DLAT: variants seen among roughly 807,000 people sequenced by gnomAD.
The protein encoded by DLAT is dihydrolipoyllysine-residue acetyltransferase component of pyruvate dehydrogenase complex, mitochondrial.
A neutral mutation model predicts 68.0 loss-of-function variants in DLAT; 43 were observed. The observed-to-expected ratio is 0.63, with a 90% CI of 0.50 to 0.81. The LOEUF (loss-of-function observed/expected upper bound fraction) is 0.81. Ranked by LOEUF, DLAT falls within the 40% of genes least tolerant of loss-of-function variation. The pLI, the probability that DLAT is intolerant of heterozygous loss-of-function variation, is 0.00. For synonymous variants in DLAT, 265 were observed against 288.6 expected (o/e 0.92, Z 0.83); for missense variants, 745 against 815.4 (o/e 0.91, Z 1.05).
chr11:112,059,793 AC>A (rs1864435317), intron 11 of DLAT, 109 bp from the exon 12 acceptor site: 3 of 877,950 alleles, frequency 3.4e-6, no homozygotes, highest in Non-Finnish European at 5.1e-6. Flanking sequence ...GAACAATAAC[AC>A]ACATTGGTTC....
In DLAT at chr11:112,057,806, A is replaced by G. The variant is rs587622697; in HGVS notation, c.1515-2097A>G. The stretch of plus-strand genomic sequence containing the variant: ...TGATATCCCTCATCAGTCGGCAGCC[A>G]TCAACATCAAGGCAAGATCTACCAG... On this transcript the variant is annotated intron_variant, in intron 11 of 13. Coordinates refer to ENST00000280346, the MANE Select transcript of DLAT (RefSeq NM_001931.5). Among the ~76,000 whole-genome samples the G allele has an allele frequency of 1.1e-4, 16 of 152,362 alleles. No individual in the cohort carries two copies. In the East Asian group the frequency reaches 3.1e-3, roughly 29 times the overall value.
At chr11:112,026,067 G>A in intron 1 of DLAT, 131 bp from the exon 2 acceptor site, 1 of 828,042 alleles carries the variant, frequency 1.2e-6, no homozygotes, top group East Asian at 2.7e-5. Flanking sequence ...AACTCCCTTG[G>A]CATCCCTAGT....
rs1024320268 is a variant in DLAT at position 112,030,086 on chromosome 11, T to C, written c.660+1141T>C. ...TAAGTTTAAAATTTTCGTCTGCGAA[T>C]GTCTCCTGGTAAATACTGGCGACTC... On this transcript the variant is annotated intron_variant, in intron 4 of 13. Transcript: ENST00000280346. The C allele has an allele frequency of 5.8e-6, 5 of 865,688 alleles. No individual in the cohort carries two copies. In the African/African-American group the frequency reaches 8.4e-5, roughly 15 times the overall value. The allele number at this position is 865,688 out of a possible 1,614,324, so 53.6% of individuals were successfully genotyped here. A position where few individuals can be genotyped will look rare whatever the true frequency, so the allele number is the denominator to read the frequency against.
At chr11:112,039,442 G>A in intron 7 of DLAT, 45 bp downstream of exon 7, 1 of 1,603,212 alleles carries the variant, frequency 6.2e-7, no homozygotes, top group African/African-American at 1.3e-5. Flanking sequence ...TTAAAATTTA[G>A]TTGAATTTCC....
At chr11:112,034,181 T>C (rs1010057888) in intron 5 of DLAT, among the ~76,000 whole-genome samples, 24 of 152,286 alleles carry the variant, frequency 1.6e-4, no homozygotes, top group Middle Eastern at 6.8e-3. Flanking sequence ...ATATCAGAAT[T>C]GCTGCTGTCT....
intron 4 of DLAT, among the ~76,000 whole-genome samples, chr11:112,032,872 G>T (rs1862488441): frequency 6.6e-6 from 1 of 152,148 alleles, no homozygotes; most frequent in African/African-American, 2.4e-5. Context: ...TCAGAGACCA[G>T]CCTGGCCAAC....
intron 10 of DLAT, among the ~76,000 whole-genome samples, chr11:112,048,841 A>G (rs1422856180): frequency 6.6e-6 from 1 of 151,958 alleles, no homozygotes; most frequent in Non-Finnish European, 1.5e-5. Flanking sequence ...GCCTATTTCC[A>G]GGTTCTTAAT....
chr11:112,047,819 T>C (rs1279281303), intron 10 of DLAT, among the ~76,000 whole-genome samples: 1 of 152,204 alleles, frequency 6.6e-6, no homozygotes, highest in Non-Finnish European at 1.5e-5. Context: ...GTTCCATTGG[T>C]CTATATATCT....
At chr11:112,046,083 T>C (rs1448303455) in intron 10 of DLAT, 113 bp downstream of exon 10, 2 of 665,532 alleles carry the variant, frequency 3.0e-6, no homozygotes, top group Non-Finnish European at 5.4e-6. Flanking sequence ...TGGTGGTTAC[T>C]TTCTTGATCT....
At chr11:112,052,254 CAATT>C (rs1404828793) in intron 11 of DLAT, among the ~76,000 whole-genome samples, 1 of 152,166 alleles carries the variant, frequency 6.6e-6, no homozygotes, top group Admixed American at 6.5e-5. Context: ...ACCAACCAAA[CAATT>C]AATTCTGCAG....
At chr11:112,059,818 A>G in intron 11 of DLAT, 85 bp from the exon 12 acceptor site, 1 of 1,252,296 alleles carries the variant, frequency 8.0e-7, no homozygotes, top group Non-Finnish European at 1.1e-6. Flanking sequence ...AAATTTTTGA[A>G]GTAAATATAA....
intron 12 of DLAT, 75 bp downstream of exon 12, chr11:112,060,140 T>C: frequency 7.4e-7 from 1 of 1,345,164 alleles, no homozygotes; most frequent in Non-Finnish European, 1.0e-6. Context: ...ATTTTTCACC[T>C]TTTGATTCTG....
chr11:112,029,929 C>A, intron 4 of DLAT: 1 of 742,910 alleles, frequency 1.3e-6, no homozygotes, highest in Non-Finnish European at 2.4e-6. Context: ...ACTAGAAGTC[C>A]ATCAGTGATT....
chr11:112,050,671 A>G (rs1183979985), intron 10 of DLAT, among the ~76,000 whole-genome samples: 2 of 152,156 alleles, frequency 1.3e-5, no homozygotes, highest in Non-Finnish European at 2.9e-5. Flanking sequence ...GTAGATAGTA[A>G]TGTCCCCTAT....
intron 8 of DLAT, among the ~76,000 whole-genome samples, chr11:112,044,094 CTAGT>C (rs1310811083): frequency 3.9e-5 from 6 of 152,244 alleles, no homozygotes; most frequent in Admixed American, 2.0e-4. Context: ...ATGTTTTGAG[CTAGT>C]TAATCGGTTT....
At position 112,064,222 on chromosome 11, in the gene DLAT, C is replaced by A; in HGVS notation, c.*1687C>A. On this transcript the variant is annotated 3_prime_UTR_variant, in exon 14 of 14. Coordinates refer to ENST00000280346, the MANE Select transcript of DLAT (RefSeq NM_001931.5). ...CTAATGCTTGTGGTTCTGTTGTTCCCTTGAAAAAAAATAAAAACAGTTGCC... is the reference window on the plus strand; with the variant it reads ...CTAATGCTTGTGGTTCTGTTGTTCCATTGAAAAAAAATAAAAACAGTTGCC... The A allele has an allele frequency of 6.4e-7, 1 of 1,556,374 alleles. No homozygotes were observed. The highest frequency in any genetic ancestry group is 2.3e-5 in the East Asian group (1 of 43,258).
At position 112,039,156 on chromosome 11, in the gene DLAT, T is replaced by C. The variant is rs900707924; in HGVS notation, c.976-88T>C. On this transcript the variant is annotated intron_variant, in intron 6 of 13. Transcript: ENST00000280346. ...TATTAATATTTAATTAAAATAGTTTTAATTTATTAATAAGATGTAAACTTT... is the reference window on the plus strand; with the variant it reads ...TATTAATATTTAATTAAAATAGTTTCAATTTATTAATAAGATGTAAACTTT... 22 of 1,281,040 alleles carry C rather than the reference T, an allele frequency of 1.7e-5. No individual in the cohort carries two copies. In the Admixed American group the frequency reaches 2.4e-4, roughly 14 times the overall value. 79.4% of individuals were successfully genotyped at this position (1,281,040 alleles called of 1,614,324 possible).
intron 4 of DLAT, among the ~76,000 whole-genome samples, chr11:112,032,082 A>G (rs1555180006): frequency 1.3e-5 from 2 of 151,386 alleles, no homozygotes; most frequent in African/African-American, 2.4e-5. Context: ...GGGTTTCGAC[A>G]TGATGGCCCG....
chr11:112,054,230 T>G (rs1863859562), intron 11 of DLAT, among the ~76,000 whole-genome samples: 2 of 151,906 alleles, frequency 1.3e-5, no homozygotes, highest in Admixed American at 1.3e-4. Flanking sequence ...GCAGGAGAAT[T>G]GCTTGAACCT....
Sources: gnomAD v4.1 joint callset for allele counts (sites outside exome capture counted in the v4.1 genomes callset) on GRCh38, gnomAD v4.1.1 for gene constraint, MANE v1.5 for transcripts, NCBI Gene and HGNC (gene_info 2026-07-23, HGNC 2026-07-21) for gene names.